The following SGSM2 variants were observed in gnomAD, a reference collection of about 807,000 sequenced individuals.
SGSM2 encodes small G protein signaling modulator 2, also known as RUN and TBC1 domain containing 1.
SGSM2 carries 89 observed loss-of-function variants against 126.6 expected under a neutral mutation model. The ratio of observed to expected loss-of-function variants is 0.70; its 90% confidence interval spans 0.59 to 0.84. The LOEUF is 0.84. SGSM2 is among the 40% of genes least tolerant of loss of function. The probability of loss-of-function intolerance (pLI) is 0.00; values close to 1 mark genes in which losing one functional copy is unlikely to be tolerated. For synonymous variants in SGSM2, 614 were observed against 574.3 expected, an observed-to-expected ratio of 1.07 and a Z score of -0.99; for missense variants, 1,404 against 1,416.6, an observed-to-expected ratio of 0.99 and a Z score of 0.14.
rs564304044 is a variant in SGSM2 at position 2,362,217 on chromosome 17, G to A, written c.405G>A (p.Ala135=). ...QALKHVWVRT[A]LIEKVLDKVV... ...TGAAACACGTATGGGTACGCACGGC[G>A]CTCATCGAGAAAGTTCTGGACAAGG... Residue 135 remains alanine, a synonymous_variant, in exon 4 of 24, where the codon GCG becomes GCA. Coordinates refer to ENST00000268989, the MANE Select transcript of SGSM2 (RefSeq NM_014853.3). The surrounding 1 kb of genome is among the most constrained non-coding windows in gnomAD (Gnocchi z 4.9). 1.1e-5 allele frequency: 18 copies of A among 1,613,870 alleles called. No individual in the cohort carries two copies. Among genetic ancestry groups the A allele is most frequent in the South Asian group, 3.3e-5 (3 of 91,078 alleles).
intron 19 of SGSM2, 91 bp downstream of exon 19, chr17:2,376,352 T>C (rs2066153698): frequency 3.9e-6 from 6 of 1,536,504 alleles, no homozygotes; most frequent in Non-Finnish European, 5.3e-6. Context: ...CCTGCTCCTC[T>C]CTCCTGCTCC....
Position 2,362,478 on chromosome 17 carries a change from A to ACCGCCCCGTTCCCCAAAAACTGCAGGTGG in SGSM2, c.458+236_458+237insGCCGCCCCGTTCCCCAAAAACTGCAGGTG, listed in dbSNP as rs2065360848. On this transcript the variant is annotated intron_variant, in intron 4 of 23. Transcript: ENST00000268989. The surrounding 1 kb of genome is among the most constrained non-coding windows in gnomAD (Gnocchi z 4.9). ...CCCCGTTCCCCAAAAACTGCAGGTG[A>ACCGCCCCGTTCCCCAAAAACTGCAGGTGG]CCGCCCCGTTCCCCAAAAACTGCAG... Among the ~76,000 whole-genome samples, 1 of 131,542 alleles carries ACCGCCCCGTTCCCCAAAAACTGCAGGTGG rather than the reference A, an allele frequency of 7.6e-6. No individual in the cohort carries two copies. The highest frequency in any genetic ancestry group is 1.6e-5 in the Non-Finnish European group (1 of 62,780). 86.3% of individuals were successfully genotyped at this position (131,542 alleles called of 152,430 possible). A position where few individuals can be genotyped will look rare whatever the true frequency, so the allele number is the denominator to read the frequency against.
At position 2,362,414 on chromosome 17, in the gene SGSM2, G is replaced by A. The variant is rs2065354899; in HGVS notation, c.458+144G>A. The A allele has an allele frequency of 1.1e-6, 1 of 901,186 alleles. No homozygotes were observed. The highest frequency in any genetic ancestry group is 1.8e-5 in the South Asian group (1 of 54,700). The allele number at this position is 901,186 out of a possible 1,614,324, so 55.8% of individuals were successfully genotyped here. A position where few individuals can be genotyped will look rare whatever the true frequency, so the allele number is the denominator to read the frequency against. On this transcript the variant is annotated intron_variant, in intron 4 of 23. Transcript: ENST00000268989. The surrounding 1 kb of genome is among the most constrained non-coding windows in gnomAD (Gnocchi z 4.9). ...TGACCGCCCCGTTCCCCCCAAAACTGCAGGTGACCGCCCCGTTCCCAAAAA... is the reference window on the plus strand; with the variant it reads ...TGACCGCCCCGTTCCCCCCAAAACTACAGGTGACCGCCCCGTTCCCAAAAA...
intron 2 of SGSM2, among the ~76,000 whole-genome samples, chr17:2,360,564 C>T (rs1199627015): frequency 6.6e-6 from 1 of 152,216 alleles, no homozygotes; most frequent in Non-Finnish European, 1.5e-5. Context: ...TCCTGAGAGC[C>T]AGACCCCGCA....
At chr17:2,371,713 C>T (rs898416418) in intron 13 of SGSM2, 27 of 416,098 alleles carry the variant, frequency 6.5e-5, no homozygotes, top group South Asian at 5.1e-4. Flanking sequence ...GGAGTTGTGC[C>T]GGCACATCAT....
Position 2,379,835 on chromosome 17 carries a change from G to A in SGSM2, c.*315G>A. 2 of 1,317,624 alleles carry A rather than the reference G, an allele frequency of 1.5e-6. No individual in the cohort carries two copies. Among genetic ancestry groups the A allele is most frequent in the Non-Finnish European group, 1.9e-6 (2 of 1,028,076 alleles). The allele number at this position is 1,317,624 out of a possible 1,614,324, so 81.6% of individuals were successfully genotyped here. A position where few individuals can be genotyped will look rare whatever the true frequency, so the allele number is the denominator to read the frequency against. ...GCCACCTGCAGCCGCAGCCTGGACTGCTGCCCACGAGTGAACCTGGGGCCC... is the reference window on the plus strand; with the variant it reads ...GCCACCTGCAGCCGCAGCCTGGACTACTGCCCACGAGTGAACCTGGGGCCC... On this transcript the variant is annotated 3_prime_UTR_variant, in exon 24 of 24. Transcript: ENST00000268989.
intron 11 of SGSM2, chr17:2,366,419 C>G (rs761344700): frequency 3.3e-5 from 5 of 152,214 alleles, no homozygotes; most frequent in Admixed American, 6.5e-5. Flanking sequence ...CACCCGCTCC[C>G]TAAATTTCCA....
intron 12 of SGSM2, among the ~76,000 whole-genome samples, chr17:2,369,004 G>A (rs1421126117): frequency 1.3e-5 from 2 of 152,198 alleles, no homozygotes; most frequent in Non-Finnish European, 2.9e-5. Context: ...ACTTCCAGGG[G>A]TCCAGAGGCC....
Position 2,375,862 on chromosome 17 carries a change from C to A in SGSM2, c.2471C>A (p.Ala824Glu), listed in dbSNP as rs1021013282. Residue 824 changes from alanine (A) to glutamate (E), a missense_variant, in exon 18 of 24, where the codon GCG becomes GAG. Transcript: ENST00000268989. The stretch of plus-strand genomic sequence containing the variant: ...GGAGAGGAGCTTGCGGCTGTGTGTG[C>A]GGCTGCCTACACTGTGCGTACATGC... ...EAGEELAAVC[A>E]AAYTIELLDT... 7.9e-6 allele frequency: 12 copies of A among 1,523,328 alleles called. No homozygotes were observed. Among genetic ancestry groups the A allele is most frequent in the Non-Finnish European group, 9.6e-6 (11 of 1,142,234 alleles). The allele number at this position is 1,523,328 out of a possible 1,614,324, so 94.4% of individuals were successfully genotyped here. A position where few individuals can be genotyped will look rare whatever the true frequency, so the allele number is the denominator to read the frequency against.
chr17:2,368,833 C>T (rs1367907386), intron 12 of SGSM2, among the ~76,000 whole-genome samples: 1 of 152,200 alleles, frequency 6.6e-6, no homozygotes, highest in African/African-American at 2.4e-5. Flanking sequence ...GAAGGTTGAG[C>T]TCTGAGGGGA....
intron 11 of SGSM2, among the ~76,000 whole-genome samples, chr17:2,365,886 C>G (rs1277338690): frequency 7.9e-5 from 12 of 151,980 alleles, no homozygotes; most frequent in Admixed American, 2.0e-4. Context: ...GCTGGGATTA[C>G]AGGCGCACAC....
In SGSM2 at chr17:2,379,818, C is replaced by T. The variant is rs2066338372; in HGVS notation, c.*298C>T. On this transcript the variant is annotated 3_prime_UTR_variant, in exon 24 of 24. Transcript: ENST00000268989. ...CTGGGAGTAGCCCCACTGCCACCTG[C>T]AGCCGCAGCCTGGACTGCTGCCCAC... The T allele has an allele frequency of 4.5e-6, 6 of 1,325,592 alleles. No homozygotes were observed. The highest frequency in any genetic ancestry group is 2.9e-6 in the Non-Finnish European group (3 of 1,033,066). 82.1% of individuals were successfully genotyped at this position (1,325,592 alleles called of 1,614,324 possible).
rs6502192 is a variant in SGSM2, at chr17:2,363,282, T to C, written c.672+148T>C. 2,723 of 1,344,142 alleles carry C rather than the reference T, an allele frequency of 2.0e-3. 48 individuals carry two copies. The African/African-American group carries it at 0.034, about 17-fold the overall frequency. The allele number at this position is 1,344,142 out of a possible 1,614,324, so 83.3% of individuals were successfully genotyped here. ...AAGAGCCTTCTCCGCACAATAAAACTTAACACAAATGCCGGGAGCCCATGC... is the reference window on the plus strand; with the variant it reads ...AAGAGCCTTCTCCGCACAATAAAACCTAACACAAATGCCGGGAGCCCATGC... On this transcript the variant is annotated intron_variant, in intron 6 of 23. Transcript: ENST00000268989. This position sits in a 1 kb window ranked among gnomAD's most constrained non-coding sequence, Gnocchi z 4.2.
intron 2 of SGSM2, among the ~76,000 whole-genome samples, chr17:2,349,510 G>A (rs2064755059): frequency 1.3e-5 from 2 of 152,102 alleles, no homozygotes; most frequent in Admixed American, 1.3e-4. Context: ...AACTCAATAA[G>A]GAAATTTGAT....
Position 2,367,520 on chromosome 17 carries a change from A to G in SGSM2, c.1423+115A>G. ...TGTTGGCATTAGGGGACTTGCACCC[A>G]GGGCAGTTCCCTTCCATCGGGGGCA... On this transcript the variant is annotated intron_variant, in intron 12 of 23. Transcript: ENST00000268989. This position sits in a 1 kb window ranked among gnomAD's most constrained non-coding sequence, Gnocchi z 4.0. The G allele has an allele frequency of 2.5e-6, 3 of 1,198,822 alleles. No homozygotes were observed. Among genetic ancestry groups the G allele is most frequent in the Non-Finnish European group, 3.5e-6 (3 of 860,018 alleles). 74.3% of individuals were successfully genotyped at this position (1,198,822 alleles called of 1,614,324 possible).
At chr17:2,340,439 A>G (rs2064298594) in intron 1 of SGSM2, among the ~76,000 whole-genome samples, 1 of 152,158 alleles carries the variant, frequency 6.6e-6, no homozygotes, top group Admixed American at 6.5e-5. Flanking sequence ...TTTTTCCACC[A>G]GTGCTTAGAA....
chr17:2,376,760 C>CT lies in SGSM2; in HGVS notation c.2638dup (p.Tyr880LeufsTer19). ...ACGTGTGGGAGCACCTGGACGTGGG[C>CT]TATGTGCAGGGCATGTGCGATCTGC... On this transcript the variant is annotated frameshift_variant, in exon 20 of 24. Coordinates refer to ENST00000268989, the MANE Select transcript of SGSM2 (RefSeq NM_014853.3). LOFTEE classifies it high-confidence loss of function. 1 of 1,614,060 alleles carries CT rather than the reference C, an allele frequency of 6.2e-7. No individual in the cohort carries two copies. The highest frequency in any genetic ancestry group is 8.5e-7 in the Non-Finnish European group (1 of 1,180,028).
At chr17:2,352,899 T>C (rs2064925789) in intron 2 of SGSM2, among the ~76,000 whole-genome samples, 1 of 132,864 alleles carries the variant, frequency 7.5e-6, no homozygotes, top group Non-Finnish European at 1.6e-5. Flanking sequence ...TGCCTCAGCC[T>C]CCCGAGTAGC....
intron 3 of SGSM2, 143 bp from the exon 4 acceptor site, chr17:2,361,966 G>T: frequency 7.7e-7 from 1 of 1,305,008 alleles, no homozygotes; most frequent in Non-Finnish European, 1.0e-6. Context: ...GTGGGCACAA[G>T]GCTCTGTACC....
Sources: gnomAD v4.1 joint callset for allele counts (sites outside exome capture counted in the v4.1 genomes callset) on GRCh38, gnomAD v4.1.1 for gene constraint, Gnocchi (gnomAD v3.1) non-coding constraint, MANE v1.5 for transcripts, NCBI Gene and HGNC (gene_info 2026-07-23, HGNC 2026-07-21) for gene names.